TRPM7: variants seen among roughly 807,000 people sequenced by gnomAD.
TRPM7 encodes the protein LTRPC ion channel family member 7.
In TRPM7, 134 loss-of-function variants were observed where a neutral mutation model predicts 229.7. That is an observed-to-expected ratio of 0.58 (90% CI 0.51 to 0.67). TRPM7 has a LOEUF of 0.67. Ranked by LOEUF, TRPM7 falls within the 30% of genes least tolerant of loss-of-function variation. The probability of loss-of-function intolerance (pLI) is 0.00; values close to 1 mark genes in which losing one functional copy is unlikely to be tolerated. For synonymous variants in TRPM7, 699 were observed against 715.2 expected (o/e 0.98, Z 0.36); for missense variants, 1,901 against 2,210.0 (o/e 0.86, Z 2.80).
chr15:50,678,247 AAAAACAAAAAC>A lies in TRPM7; in HGVS notation c.3+8273_3+8283del, dbSNP rs1482611760. Among the ~76,000 whole-genome samples the A allele has an allele frequency of 2.1e-4, 26 of 126,444 alleles. 1 individual carries two copies. The highest frequency in any genetic ancestry group is 4.1e-4 in the African/African-American group (14 of 34,122). 83.0% of individuals were successfully genotyped at this position (126,444 alleles called of 152,430 possible). On this transcript the variant is annotated intron_variant, in intron 1 of 38. Coordinates refer to ENST00000646667, the MANE Select transcript of TRPM7 (RefSeq NM_017672.6). The stretch of plus-strand genomic sequence containing the variant: ...AGAGTGAGACTCTCTCTCAAAAAAA[AAAAACAAAAAC>A]AAAAACAAAAACAAAAACAAAAACC...
At chr15:50,581,879 T>C (rs1180509345) in intron 29 of TRPM7, among the ~76,000 whole-genome samples, 1 of 149,878 alleles carries the variant, frequency 6.7e-6, no homozygotes, top group Non-Finnish European at 1.5e-5. Context: ...TAGTTTATCT[T>C]TTTTTTTTTA....
chr15:50,671,022 C>T (rs958770983), intron 1 of TRPM7, among the ~76,000 whole-genome samples: 2 of 152,076 alleles, frequency 1.3e-5, no homozygotes, highest in African/African-American at 4.8e-5. Flanking sequence ...CTAAATCGAG[C>T]TAATTATCAT....
chr15:50,645,961 G>A (rs997074043), intron 4 of TRPM7, among the ~76,000 whole-genome samples: 8 of 151,966 alleles, frequency 5.3e-5, no homozygotes, highest in Non-Finnish European at 1.2e-4. Context: ...AAGAGTTCCA[G>A]ACCAGCCTGG....
chr15:50,571,264 C>T (rs557335278), intron 36 of TRPM7, among the ~76,000 whole-genome samples: 4 of 152,136 alleles, frequency 2.6e-5, no homozygotes, highest in Non-Finnish European at 5.9e-5. Flanking sequence ...CAGGAACTTC[C>T]GTAGAAGGCT....
In TRPM7 at chr15:50,591,910, C is replaced by T. The variant is rs766166305; in HGVS notation, c.4324+1G>A. On this transcript the variant is annotated splice_donor_variant, in intron 26 of 38. Coordinates refer to ENST00000646667, the MANE Select transcript of TRPM7 (RefSeq NM_017672.6). LOFTEE classifies it high-confidence loss of function. Reference sequence around the variant, plus strand: ...TACAAATACGAATTTGCCAAACTTACCTACAAATGCTCCAAATTCTGTATT... The same window carrying T: ...TACAAATACGAATTTGCCAAACTTATCTACAAATGCTCCAAATTCTGTATT... The T allele has an allele frequency of 2.0e-6, 3 of 1,538,296 alleles. No individual in the cohort carries two copies. The highest frequency in any genetic ancestry group is 2.2e-5 in the Admixed American group (1 of 45,686).
chr15:50,622,293 A>C (rs1280805112), intron 12 of TRPM7, among the ~76,000 whole-genome samples: 1 of 152,218 alleles, frequency 6.6e-6, no homozygotes, highest in East Asian at 1.9e-4. Flanking sequence ...TGAAAATCAA[A>C]AAGTTTGAGA....
intron 16 of TRPM7, among the ~76,000 whole-genome samples, chr15:50,611,927 G>A (rs1343976748): frequency 1.3e-5 from 2 of 152,082 alleles, no homozygotes; most frequent in Non-Finnish European, 2.9e-5. Flanking sequence ...GAACTATGTC[G>A]TTACTCTGTG....
intron 27 of TRPM7, among the ~76,000 whole-genome samples, chr15:50,587,183 T>G (rs971583482): frequency 6.6e-6 from 1 of 152,180 alleles, no homozygotes; most frequent in Admixed American, 6.5e-5. Context: ...GGGGGAACTA[T>G]TTCCTTTTGG....
chr15:50,573,115 T>C (rs1376244756), intron 36 of TRPM7, among the ~76,000 whole-genome samples: 5 of 152,248 alleles, frequency 3.3e-5, no homozygotes, highest in Admixed American at 3.3e-4. Context: ...AAACACAGTC[T>C]ATCTGCTAAG....
chr15:50,619,534 T>G (rs1323728488), intron 13 of TRPM7, among the ~76,000 whole-genome samples: 1 of 152,084 alleles, frequency 6.6e-6, no homozygotes, highest in Non-Finnish European at 1.5e-5. Flanking sequence ...TGGTCTTAAT[T>G]CCATAAACTC....
At chr15:50,593,191 A>G (rs1238778214) in intron 25 of TRPM7, among the ~76,000 whole-genome samples, 2 of 152,148 alleles carry the variant, frequency 1.3e-5, no homozygotes, top group Non-Finnish European at 2.9e-5. Flanking sequence ...CAGGAAACTG[A>G]GGCAGGAGAA....
At chr15:50,685,129 T>C (rs1475171008) in intron 1 of TRPM7, among the ~76,000 whole-genome samples, 3 of 152,244 alleles carry the variant, frequency 2.0e-5, no homozygotes, top group African/African-American at 7.2e-5. Context: ...CCAATGGGTA[T>C]ATGGTAGTTC....
intron 13 of TRPM7, 96 bp from the exon 14 acceptor site, chr15:50,614,359 T>A: frequency 1.7e-6 from 2 of 1,162,792 alleles, no homozygotes; most frequent in South Asian, 4.0e-5. Context: ...AAATGACAAA[T>A]GTTTACTTCT....
intron 38 of TRPM7, among the ~76,000 whole-genome samples, chr15:50,564,751 C>T (rs1385501717): frequency 6.6e-6 from 1 of 151,944 alleles, no homozygotes; most frequent in Non-Finnish European, 1.5e-5. Flanking sequence ...ATCTAAGAAA[C>T]AGCCTATATT....
intron 1 of TRPM7, among the ~76,000 whole-genome samples, chr15:50,665,710 CT>C (rs1245915537): frequency 1.3e-5 from 2 of 152,166 alleles, no homozygotes; most frequent in Middle Eastern, 3.4e-3. Flanking sequence ...AAAATGAAGG[CT>C]GGGCCAGGCA....
At chr15:50,594,875 CT>C (rs2059594791) in intron 23 of TRPM7, among the ~76,000 whole-genome samples, 1 of 151,942 alleles carries the variant, frequency 6.6e-6, no homozygotes, top group Non-Finnish European at 1.5e-5. Context: ...AATACTCAGA[CT>C]TATTAGTAAT....
chr15:50,589,842 TAC>T (rs774617406), intron 26 of TRPM7, among the ~76,000 whole-genome samples, 186 bp from the exon 27 acceptor site: 7 of 141,028 alleles, frequency 5.0e-5, no homozygotes, highest in Non-Finnish European at 1.1e-4. Flanking sequence ...TGGTGAAGGT[TAC>T]AGTTTTTTTT....
Position 50,643,467 on chromosome 15 carries a change from A to T in TRPM7, c.408T>A (p.Val136=). The T allele has an allele frequency of 6.2e-7, 1 of 1,614,190 alleles. No individual in the cohort carries two copies. Among genetic ancestry groups the T allele is most frequent in the Non-Finnish European group, 8.5e-7 (1 of 1,180,030 alleles). Reference sequence around the variant, plus strand: ...TCTGCATGCCCCCATGTACAGAGATAACAAGTTTGGGTAACTCCATTTGCC... The same window carrying T: ...TCTGCATGCCCCCATGTACAGAGATTACAAGTTTGGGTAACTCCATTTGCC... ...KEWQMELPKL[V]ISVHGGMQKF... Residue 136 remains valine, a synonymous_variant, in exon 5 of 39, where the codon GTT becomes GTA. Coordinates refer to ENST00000646667, the MANE Select transcript of TRPM7 (RefSeq NM_017672.6).
At chr15:50,650,914 C>T (rs982012428) in intron 3 of TRPM7, among the ~76,000 whole-genome samples, 6 of 152,164 alleles carry the variant, frequency 3.9e-5, no homozygotes, top group Admixed American at 1.3e-4. Context: ...ATTGGCCGGG[C>T]GTGGTAGCTC....
Sources: gnomAD v4.1 joint callset for allele counts (sites outside exome capture counted in the v4.1 genomes callset) on GRCh38, gnomAD v4.1.1 for gene constraint, MANE v1.5 for transcripts, NCBI Gene and HGNC (gene_info 2026-07-23, HGNC 2026-07-21) for gene names.